The following ABCA1 variants were observed in gnomAD, a reference collection of about 807,000 sequenced individuals.
ABCA1 encodes the protein ATP binding cassette subfamily A member 1, also known as phospholipid-transporting ATPase ABCA1.
In ABCA1, 133 loss-of-function variants were observed where a neutral mutation model predicts 262.5. The ratio of observed to expected loss-of-function variants is 0.51; its 90% confidence interval spans 0.44 to 0.59. The LOEUF (loss-of-function observed/expected upper bound fraction) is 0.59. ABCA1 is among the 20% of genes least tolerant of loss of function. The pLI is 0.00. For missense variants in ABCA1, 2,452 were observed against 2,777.5 expected, an observed-to-expected ratio of 0.88 and a Z score of 2.63; for synonymous variants, 1,022 against 1,043.5, an observed-to-expected ratio of 0.98 and a Z score of 0.40.
chr9:104,890,628 G>A (rs968423144), intron 2 of ABCA1, among the ~76,000 whole-genome samples: 3 of 151,378 alleles, frequency 2.0e-5, no homozygotes, highest in African/African-American at 7.3e-5. Context: ...TTGAGACAGG[G>A]TCTTGCTCCA....
intron 1 of ABCA1, among the ~76,000 whole-genome samples, chr9:104,911,453 T>A (rs1304959966): frequency 6.6e-6 from 1 of 152,238 alleles, no homozygotes; most frequent in East Asian, 1.9e-4. Flanking sequence ...AAGAACAGGT[T>A]CACTGCACCC....
intron 5 of ABCA1, among the ~76,000 whole-genome samples, chr9:104,880,666 A>T (rs1343225365): frequency 6.6e-6 from 1 of 152,186 alleles, no homozygotes; most frequent in Non-Finnish European, 1.5e-5. Flanking sequence ...CAAGCAAAGA[A>T]AGAAAGAATT....
chr9:104,877,602 G>A (rs1399314527), intron 5 of ABCA1, among the ~76,000 whole-genome samples: 1 of 152,268 alleles, frequency 6.6e-6, no homozygotes, highest in African/African-American at 2.4e-5. Context: ...AGTCAGCCAG[G>A]AACAGAAGGG....
chr9:104,917,472 C>T (rs973147175), intron 1 of ABCA1, among the ~76,000 whole-genome samples: 3 of 152,114 alleles, frequency 2.0e-5, no homozygotes, highest in African/African-American at 7.2e-5. Flanking sequence ...AAGGAGTAAG[C>T]GGCCGGGTGC....
chr9:104,913,891 C>A (rs939100211), intron 1 of ABCA1, among the ~76,000 whole-genome samples: 2 of 152,158 alleles, frequency 1.3e-5, no homozygotes, highest in East Asian at 3.9e-4. Flanking sequence ...CGCCTCCCGG[C>A]TTCACGCCAT....
rs767966317 is a variant in ABCA1 at position 104,845,498 on chromosome 9, A to C, written c.792T>G (p.Ser264Arg). The C allele has an allele frequency of 1.2e-6, 2 of 1,613,978 alleles. No individual in the cohort carries two copies. The highest frequency in any genetic ancestry group is 1.7e-6 in the Non-Finnish European group (2 of 1,179,882). The part of the protein sequence containing the change: ...LAEATKTLLH[S>R]LGTLAQELFS... ...TTACCTCCTGGGCCAGAGTCCCAAGACTATGCAGCAATGTTTTTGTGGCTT... is the reference window on the plus strand; with the variant it reads ...TTACCTCCTGGGCCAGAGTCCCAAGCCTATGCAGCAATGTTTTTGTGGCTT... Residue 264 changes from serine to arginine, a missense_variant, in exon 8 of 50, where the codon AGT becomes AGG. Ser to Arg is a moderately radical substitution (Grantham distance 110). This residue lies in a region of ABCA1 where 1,032 missense variants were observed against 1,089.7 expected (regional missense o/e 0.95). Coordinates refer to ENST00000374736, the MANE Select transcript of ABCA1 (RefSeq NM_005502.4).
intron 5 of ABCA1, among the ~76,000 whole-genome samples, chr9:104,874,278 G>A (rs111919605): frequency 0.19 from 28,199 of 152,108 alleles, 2,808 homozygotes; most frequent in South Asian, 0.35. Flanking sequence ...GCTCACACCT[G>A]TAATCCCAGC....
At chr9:104,798,333 G>A (rs541699368) in intron 37 of ABCA1, 88 bp downstream of exon 37, 8 of 1,477,114 alleles carry the variant, frequency 5.4e-6, no homozygotes, top group Non-Finnish European at 7.6e-6. Context: ...AACATTTCCT[G>A]ATGATAGCCA....
At chr9:104,872,387 G>C (rs1018443473) in intron 5 of ABCA1, among the ~76,000 whole-genome samples, 9 of 152,180 alleles carry the variant, frequency 5.9e-5, no homozygotes, top group African/African-American at 2.2e-4. Context: ...GCTGGGGATG[G>C]CACCTATGCT....
chr9:104,836,956 G>A (rs200269426), intron 11 of ABCA1, 24 bp downstream of exon 11: 39 of 1,566,496 alleles, frequency 2.5e-5, no homozygotes, highest in Non-Finnish European at 3.3e-5. Flanking sequence ...GCAGGCACAT[G>A]GTAATAATGG....
rs1461590067 is a variant in ABCA1 at position 104,824,546 on chromosome 9, G to A, written c.2575C>T (p.Pro859Ser). Reference sequence around the variant, plus strand: ...CCAAACCAGTAGGACTTGGTGCAAGGAAAATACCAGGGCCTGGGAATTCCG... The same window carrying A: ...CCAAACCAGTAGGACTTGGTGCAAGAAAAATACCAGGGCCTGGGAATTCCG... ...QYGIPRPWYF[P>S]CTKSYWFGEE... Residue 859 changes from proline to serine, a missense_variant, in exon 18 of 50, where the codon CCT (proline) becomes TCT (serine). Transcript: ENST00000374736. The A allele has an allele frequency of 6.2e-7, 1 of 1,614,034 alleles. No individual in the cohort carries two copies. Among genetic ancestry groups the A allele is most frequent in the South Asian group, 1.1e-5 (1 of 91,074 alleles).
In ABCA1 at chr9:104,840,902, G is replaced by A. The variant is rs77865320; in HGVS notation, c.814-383C>T. 8.8e-3 allele frequency among the ~76,000 whole-genome samples: 1,330 copies of A among 151,334 alleles called. 9 individuals are homozygous for A. The highest frequency in any genetic ancestry group is 0.014 in the Non-Finnish European group (983 of 67,904). On this transcript the variant is annotated intron_variant, in intron 8 of 49. Transcript: ENST00000374736. ...CCCTGGGGCTGGGCTTCGTTTCACC[G>A]GGATTATCTTCCAGTTTATAGATAA...
intron 1 of ABCA1, among the ~76,000 whole-genome samples, chr9:104,925,015 C>G (rs1842349912): frequency 6.6e-6 from 1 of 152,222 alleles, no homozygotes; most frequent in African/African-American, 2.4e-5. Context: ...ACAATCAATT[C>G]CTGATCACTC....
At chr9:104,865,109 C>G (rs1588447683) in intron 5 of ABCA1, among the ~76,000 whole-genome samples, 1 of 152,198 alleles carries the variant, frequency 6.6e-6, no homozygotes, top group African/African-American at 2.4e-5. Context: ...CACACTAGCA[C>G]CAACCTGTGT....
intron 7 of ABCA1, 64 bp from the exon 8 acceptor site, chr9:104,845,633 TAAAC>T: frequency 8.6e-7 from 1 of 1,159,552 alleles, no homozygotes; most frequent in Middle Eastern, 2.0e-4. Context: ...CTATTGGAAA[TAAAC>T]AAGTGAATTA....
intron 9 of ABCA1, 110 bp downstream of exon 9, chr9:104,840,169 G>T (rs1834237543): frequency 1.3e-6 from 2 of 1,574,002 alleles, no homozygotes; most frequent in African/African-American, 1.3e-5. Context: ...GGGCAAATGG[G>T]CATGTAGACA....
intron 1 of ABCA1, among the ~76,000 whole-genome samples, chr9:104,914,010 A>G (rs1841675823): frequency 6.6e-6 from 1 of 151,602 alleles, no homozygotes; most frequent in African/African-American, 2.4e-5. Flanking sequence ...CGTGTTAGCC[A>G]GGATGGTCTC....
In ABCA1 at chr9:104,821,474, G is replaced by A. The variant is rs1005990127; in HGVS notation, c.2861C>T (p.Ser954Leu). The A allele has an allele frequency of 1.4e-5, 22 of 1,613,944 alleles. No homozygotes were observed. The highest frequency in any genetic ancestry group is 2.2e-5 in the East Asian group (1 of 44,894). Reference protein sequence around the residue: ...SILTGLFPPTSGTAYILGKDI... With the variant: ...SILTGLFPPTLGTAYILGKDI... ...TTTTCCCAGGATGTAGGCGGTGCCC[G>A]AGGTCGGGGGGAACAACCCGGTCAG... Residue 954 changes from serine (S) to leucine (L), a missense_variant, in exon 20 of 50, where the codon TCG becomes TTG. Ser to Leu is a moderately radical substitution (Grantham distance 145, BLOSUM62 -2). Around this residue, in one of 4 missense-constraint regions of ABCA1, gnomAD observed 665 missense variants for 727.3 expected, o/e 0.91. Transcript: ENST00000374736.
intron 5 of ABCA1, among the ~76,000 whole-genome samples, chr9:104,867,975 G>T (rs964784382): frequency 3.3e-5 from 5 of 152,186 alleles, no homozygotes; most frequent in Admixed American, 1.3e-4. Flanking sequence ...ATCAGCACTG[G>T]ATACAGCATC....
Sources: gnomAD v4.1 joint callset for allele counts (sites outside exome capture counted in the v4.1 genomes callset) on GRCh38, gnomAD v4.1.1 for gene constraint, gnomAD v4.1.1 regional missense constraint, MANE v1.5 for transcripts, NCBI Gene and HGNC (gene_info 2026-07-23, HGNC 2026-07-21) for gene names.